Variants in SVIL observed in about 807,000 individuals in gnomAD.
SVIL encodes the protein archvillin.
Under a neutral mutation model 240.4 loss-of-function variants are expected in SVIL, and 101 were observed. The ratio of observed to expected loss-of-function variants is 0.42; its 90% CI spans 0.36 to 0.50. The LOEUF (loss-of-function observed/expected upper bound fraction) is 0.50. Among genes scored for constraint, SVIL ranks in the 20% least tolerant of loss-of-function variants. The pLI is 0.01. For missense variants in SVIL, 2,512 were observed against 2,818.7 expected, an observed-to-expected ratio of 0.89 and a Z score of 2.46; for synonymous variants, 999 against 1,100.0, an observed-to-expected ratio of 0.91 and a Z score of 1.82.
intron 1 of SVIL, among the ~76,000 whole-genome samples, chr10:29,589,106 G>A (rs888069579): frequency 7.2e-5 from 11 of 152,112 alleles, no homozygotes; most frequent in African/African-American, 2.7e-4. Context: ...GAGTTTATCA[G>A]AAATTCCTGT....
chr10:29,667,476 C>T (rs546613073), intron 2 of SVIL, among the ~76,000 whole-genome samples: 12 of 152,128 alleles, frequency 7.9e-5, no homozygotes, highest in South Asian at 2.1e-4. Flanking sequence ...ACTGATGACA[C>T]GGGGCAACAA....
At chr10:29,473,616 A>T in intron 30 of SVIL, 2 of 601,256 alleles carry the variant, frequency 3.3e-6, no homozygotes, top group Non-Finnish European at 5.7e-6. Context: ...CTATTTGCAG[A>T]TACAACATTT....
intron 13 of SVIL, among the ~76,000 whole-genome samples, chr10:29,525,629 T>C (rs1564573226): frequency 6.6e-6 from 1 of 152,030 alleles, no homozygotes; most frequent in Non-Finnish European, 1.5e-5. Flanking sequence ...CATAAATCAG[T>C]AAATAAATAA....
chr10:29,726,251 C>G (rs181579148), intron 1 of SVIL, among the ~76,000 whole-genome samples: 2 of 152,232 alleles, frequency 1.3e-5, no homozygotes, highest in Admixed American at 1.3e-4. Context: ...TCAAATGGCT[C>G]TCCAGGCTTC....
chr10:29,678,620 A>G (rs1160273666), intron 2 of SVIL, among the ~76,000 whole-genome samples: 1 of 152,216 alleles, frequency 6.6e-6, no homozygotes, highest in Non-Finnish European at 1.5e-5. Flanking sequence ...TGTGAATGGC[A>G]GGTGTATGTT....
rs759153738 is a variant in SVIL, at chr10:29,471,168, T to G, written c.5605A>C (p.Arg1869=). The change falls in exon 31 of 38, where the codon AGG becomes CGG. Residue 1869 remains arginine, a synonymous_variant. Transcript: ENST00000355867. ...FQGGMVVHSG[R]REEEEENVQS... ...ACATTTTCTTCTTCCTCTTCCCGCC[T>G]CCCCGAGTGCACCACCATCCCCCCC... The G allele has an allele frequency of 8.7e-6, 14 of 1,613,802 alleles. No individual in the cohort carries two copies. The South Asian group carries it at 1.5e-4, about 18-fold the overall frequency.
intron 6 of SVIL, among the ~76,000 whole-genome samples, chr10:29,546,664 T>A (rs1414131329): frequency 6.6e-6 from 1 of 152,220 alleles, no homozygotes; most frequent in African/African-American, 2.4e-5. Context: ...CGTGAGCACA[T>A]TCAAAAACTG....
chr10:29,603,100 T>C lies in SVIL; in HGVS notation c.-201+31320A>G, dbSNP rs1323060114. The stretch of plus-strand genomic sequence containing the variant: ...GACTGAAACTCGAGACTCCTTCCCC[T>C]TGCTGGATGTGTTTTGCTTTGGAGG... On this transcript the variant is annotated intron_variant, in intron 1 of 37. Coordinates refer to ENST00000355867, the MANE Select transcript of SVIL (RefSeq NM_021738.3). 2.0e-5 allele frequency among the ~76,000 whole-genome samples: 3 copies of C among 152,182 alleles called. No individual in the cohort carries two copies. In the East Asian group the frequency reaches 5.8e-4, roughly 29 times the overall value.
At chr10:29,580,455 G>A (rs138406501) in intron 1 of SVIL, among the ~76,000 whole-genome samples, 8 of 152,266 alleles carry the variant, frequency 5.3e-5, no homozygotes, top group East Asian at 1.9e-4. Flanking sequence ...GAGAGAACAC[G>A]TATAGAAGCA....
upstream of SVIL, chr10:29,634,997 T>A (rs1316840985): frequency 1.3e-5 from 2 of 152,074 alleles, no homozygotes; most frequent in Admixed American, 6.6e-5. Context: ...GGGACGGGCC[T>A]TTTATGGCCT....
chr10:29,660,027 A>G (rs1959110700), intron 2 of SVIL, among the ~76,000 whole-genome samples: 1 of 152,192 alleles, frequency 6.6e-6, no homozygotes, highest in Non-Finnish European at 1.5e-5. Context: ...CTACTCAAAA[A>G]GAAAACAGGG....
intron 29 of SVIL, among the ~76,000 whole-genome samples, chr10:29,474,409 C>G (rs1412915673): frequency 6.6e-6 from 1 of 152,094 alleles, no homozygotes; most frequent in East Asian, 1.9e-4. Flanking sequence ...GCCTGGGCAA[C>G]ATAGCAAGAC....
chr10:29,480,961 A>T, intron 28 of SVIL, 148 bp from the exon 29 acceptor site: 3 of 1,003,928 alleles, frequency 3.0e-6, no homozygotes, highest in Non-Finnish European at 4.4e-6. Flanking sequence ...AGTCAGGGAA[A>T]GGCTGCATTT....
chr10:29,588,772 A>G (rs1956270120), intron 1 of SVIL, among the ~76,000 whole-genome samples: 1 of 152,182 alleles, frequency 6.6e-6, no homozygotes, highest in South Asian at 2.1e-4. Context: ...TACCTTATGT[A>G]AAATGTAGAT....
chr10:29,543,221 G>C (rs1952325969), intron 6 of SVIL, among the ~76,000 whole-genome samples: 2 of 152,194 alleles, frequency 1.3e-5, no homozygotes, highest in African/African-American at 2.4e-5. Flanking sequence ...TTAAGAGAGA[G>C]AGAAGTTACC....
rs1943707475 is a variant in SVIL, at chr10:29,457,508, T to C, written c.*739A>G. 1.3e-5 allele frequency: 2 copies of C among 152,652 alleles called. No homozygotes were observed. Among genetic ancestry groups the C allele is most frequent in the Admixed American group, 6.5e-5 (1 of 15,282 alleles). 9.5% of individuals were successfully genotyped at this position (152,652 alleles called of 1,614,324 possible). ...TAATGTTCCAAACCATCATCAAAAATGCAGAGCAAACTTTTCTGTATATAA... is the reference window on the plus strand; with the variant it reads ...TAATGTTCCAAACCATCATCAAAAACGCAGAGCAAACTTTTCTGTATATAA... On this transcript the variant is annotated 3_prime_UTR_variant, in exon 38 of 38. Coordinates refer to ENST00000355867, the MANE Select transcript of SVIL (RefSeq NM_021738.3).
Position 29,532,584 on chromosome 10 carries a change from C to T in SVIL, c.1783G>A (p.Ala595Thr), listed in dbSNP as rs763112940. The change falls in exon 8 of 38, where the codon GCC becomes ACC. Residue 595 changes from alanine to threonine, a missense_variant. Physicochemically the swap from Ala to Thr is moderately conservative, Grantham distance 58. Coordinates refer to ENST00000355867, the MANE Select transcript of SVIL (RefSeq NM_021738.3). ...GCCAGGAACGCACTTCGGAGCTGGG[C>T]GACAGAGACTTTTGTGTCCAGCATG... is the stretch of plus-strand genomic sequence containing the variant. ...ISMLDTKVSV[A>T]QLRSAFLASA... is the part of the protein sequence containing the mutation. 8.7e-6 allele frequency: 14 copies of T among 1,613,738 alleles called. No individual in the cohort carries two copies. Among genetic ancestry groups the T allele is most frequent in the East Asian group, 4.5e-5 (2 of 44,876 alleles).
At chr10:29,668,949 C>T (rs1959549236) in intron 2 of SVIL, among the ~76,000 whole-genome samples, 2 of 152,128 alleles carry the variant, frequency 1.3e-5, no homozygotes, top group Admixed American at 1.3e-4. Flanking sequence ...TCCTGGTTGC[C>T]CATGTGTGCT....
intron 1 of SVIL, among the ~76,000 whole-genome samples, chr10:29,704,161 G>A (rs1464236755): frequency 6.6e-6 from 1 of 152,102 alleles, no homozygotes; most frequent in East Asian, 1.9e-4. Flanking sequence ...TCCTGCTCCA[G>A]TGGGCTGGGC....
Sources: allele counts gnomAD v4.1 joint callset (sites outside exome capture counted in the v4.1 genomes callset), GRCh38; gene constraint gnomAD v4.1.1; transcripts MANE v1.5; gene names NCBI Gene and HGNC (gene_info 2026-07-23, HGNC 2026-07-21).